TMEM266: variants seen among roughly 807,000 people sequenced by gnomAD.
TMEM266 encodes transmembrane protein 266, also known as Hv1 related protein 1.
TMEM266 carries 33 observed loss-of-function variants against 50.5 expected under a neutral mutation model. The ratio of observed to expected loss-of-function variants is 0.65; its 90% confidence interval spans 0.50 to 0.87. The LOEUF (loss-of-function observed/expected upper bound fraction) is 0.87, where lower values mean the gene tolerates loss of function less well. Among genes scored for constraint, TMEM266 ranks in the 40% least tolerant of loss-of-function variants. TMEM266 has a pLI of 0.00. For missense variants in TMEM266, 655 were observed against 695.1 expected (o/e 0.94, Z 0.65); for synonymous variants, 310 against 292.3 (o/e 1.06, Z -0.62).
chr15:76,114,551 AT>A (rs900458696), intron 1 of TMEM266, among the ~76,000 whole-genome samples: 90 of 152,322 alleles, frequency 5.9e-4, no homozygotes, highest in African/African-American at 2.0e-3. Flanking sequence ...ATATCTTTCT[AT>A]ATACATCACA....
intron 3 of TMEM266, among the ~76,000 whole-genome samples, chr15:76,148,517 C>G (rs1401945823): frequency 6.6e-6 from 1 of 152,166 alleles, no homozygotes; most frequent in African/African-American, 2.4e-5. Context: ...TCCAACAGCA[C>G]CTCATTCCCA....
chr15:76,186,336 A>G (rs2038490114), intron 8 of TMEM266, among the ~76,000 whole-genome samples: 1 of 152,182 alleles, frequency 6.6e-6, no homozygotes, highest in South Asian at 2.1e-4. Flanking sequence ...TGATAAGCAT[A>G]GGAGGAGCCA....
In TMEM266 at chr15:76,145,728, C is replaced by T. The variant is rs1475934111; in HGVS notation, c.227+7833C>T. Among the ~76,000 whole-genome samples, 7 of 152,220 alleles carry T rather than the reference C, an allele frequency of 4.6e-5. 1 individual carries two copies. In the East Asian group the frequency reaches 1.2e-3, roughly 25 times the overall value. On this transcript the variant is annotated intron_variant, in intron 3 of 10. Transcript: ENST00000388942. Reference sequence around the variant, plus strand: ...CGAATTAGCCCTTAATTTCATCCAGCGTCTCTAGACATTGTTTGGTTTGGG... The same window carrying T: ...CGAATTAGCCCTTAATTTCATCCAGTGTCTCTAGACATTGTTTGGTTTGGG...
At chr15:76,109,851 G>A (rs1180927236) in intron 1 of TMEM266, among the ~76,000 whole-genome samples, 1 of 151,818 alleles carries the variant, frequency 6.6e-6, no homozygotes, top group Non-Finnish European at 1.5e-5. Context: ...GTGGAGACAA[G>A]GTTTCACTGT....
rs575160087 is a variant in TMEM266, at chr15:76,142,028, T to A, written c.227+4133T>A. ...CCACACTGGACTGTTTTTTCTCAAA[T>A]GCGTCCATATTTTAGCTACTGTGAA... is the stretch of plus-strand genomic sequence containing the variant. On this transcript the variant is annotated intron_variant, in intron 3 of 10. Coordinates refer to ENST00000388942, the MANE Select transcript of TMEM266 (RefSeq NM_152335.3). Among the ~76,000 whole-genome samples, 4 of 152,370 alleles carry A rather than the reference T, an allele frequency of 2.6e-5. No homozygotes were observed. The South Asian group carries it at 8.3e-4, about 32-fold the overall frequency.
chr15:76,157,626 G>A (rs2037946813), intron 4 of TMEM266, among the ~76,000 whole-genome samples: 1 of 152,164 alleles, frequency 6.6e-6, no homozygotes. Flanking sequence ...TAAGTAAGTG[G>A]TTTCTGGTAC....
chr15:76,085,733 T>C (rs1012455350), intron 1 of TMEM266, among the ~76,000 whole-genome samples: 2 of 152,142 alleles, frequency 1.3e-5, no homozygotes, highest in Non-Finnish European at 2.9e-5. Flanking sequence ...ATTGAAAATA[T>C]ATGCCAAAAA....
At chr15:76,171,562 C>T (rs1027070378) in intron 7 of TMEM266, among the ~76,000 whole-genome samples, 6 of 152,206 alleles carry the variant, frequency 3.9e-5, no homozygotes, top group African/African-American at 1.4e-4. Flanking sequence ...AGGCCTTGCT[C>T]CCTGCAGGCT....
chr15:76,169,130 T>G (rs1273197599), intron 5 of TMEM266, among the ~76,000 whole-genome samples: 1 of 152,144 alleles, frequency 6.6e-6, no homozygotes, highest in Admixed American at 6.5e-5. Context: ...TTCTGGGCCT[T>G]GGGAAGACGG....
chr15:76,118,943 CT>C (rs2037293770), intron 1 of TMEM266, among the ~76,000 whole-genome samples: 1 of 152,144 alleles, frequency 6.6e-6, no homozygotes, highest in Non-Finnish European at 1.5e-5. Context: ...CAGGCCCTAC[CT>C]GGTGCCAAGG....
chr15:76,086,930 G>T (rs1036502614), intron 1 of TMEM266, among the ~76,000 whole-genome samples: 2 of 95,446 alleles, frequency 2.1e-5, no homozygotes, highest in Non-Finnish European at 4.4e-5. Flanking sequence ...GAGCAGGTCG[G>T]GGGGGGGGCG....
At chr15:76,193,344 C>T (rs2038610244) in intron 9 of TMEM266, among the ~76,000 whole-genome samples, 1 of 152,194 alleles carries the variant, frequency 6.6e-6, no homozygotes, top group Admixed American at 6.5e-5. Flanking sequence ...CCTCAGCCTC[C>T]TGAGTAGCTG....
At chr15:76,169,677 GC>G (rs1432075705) in intron 5 of TMEM266, 138 bp from the exon 6 acceptor site, 1 of 961,124 alleles carries the variant, frequency 1.0e-6, no homozygotes, top group East Asian at 2.5e-5. Context: ...GGGCACAGGG[GC>G]CAAGGAATGC....
At chr15:76,065,723 AT>A (rs11432545) in intron 1 of TMEM266, among the ~76,000 whole-genome samples, 389 of 151,622 alleles carry the variant, frequency 2.6e-3, no homozygotes, top group African/African-American at 8.1e-3. Flanking sequence ...AACAAATGCT[AT>A]TTTTTTTTAT....
intron 3 of TMEM266, among the ~76,000 whole-genome samples, chr15:76,148,720 C>A (rs796524330): frequency 1.7e-4 from 1 of 5,756 alleles, no homozygotes; most frequent in African/African-American, 6.6e-4. Flanking sequence ...AGTTTGTCCA[C>A]CCCTTCACCC....
At chr15:76,193,582 G>T (rs1049076401) in intron 9 of TMEM266, among the ~76,000 whole-genome samples, 1 of 152,150 alleles carries the variant, frequency 6.6e-6, no homozygotes, top group African/African-American at 2.4e-5. Context: ...GGGGATTTCT[G>T]GGTCCAGCCC....
intron 9 of TMEM266, among the ~76,000 whole-genome samples, chr15:76,197,116 C>G (rs1001088853): frequency 1.3e-5 from 2 of 152,164 alleles, no homozygotes; most frequent in East Asian, 1.9e-4. Context: ...CCAGGCAGCC[C>G]CAGGGGAGGG....
chr15:76,127,980 T>C (rs1420644850), intron 1 of TMEM266, among the ~76,000 whole-genome samples: 1 of 152,128 alleles, frequency 6.6e-6, no homozygotes, highest in Non-Finnish European at 1.5e-5. Context: ...CTTTAGGTGA[T>C]TATTCTGGTA....
At chr15:76,075,466 T>G (rs2036591232) in intron 1 of TMEM266, among the ~76,000 whole-genome samples, 1 of 152,154 alleles carries the variant, frequency 6.6e-6, no homozygotes, top group Non-Finnish European at 1.5e-5. Flanking sequence ...GTTGCATGTT[T>G]TACTTGCCAA....
Sources: allele counts gnomAD v4.1 joint callset (sites outside exome capture counted in the v4.1 genomes callset), GRCh38; gene constraint gnomAD v4.1.1; transcripts MANE v1.5; gene names NCBI Gene and HGNC (gene_info 2026-07-23, HGNC 2026-07-21).